SSPN: variants seen among roughly 807,000 people sequenced by gnomAD.
SSPN encodes K-ras oncogene-associated protein.
In SSPN, 15 loss-of-function variants were observed where a neutral mutation model predicts 19.1. The ratio of observed to expected loss-of-function variants is 0.78; its 90% CI spans 0.52 to 1.21. The LOEUF (loss-of-function observed/expected upper bound fraction) is 1.21. Among genes scored for constraint, SSPN ranks in the 50% most tolerant of loss-of-function variants. SSPN has a pLI of 0.00. For missense variants in SSPN, 291 were observed against 314.0 expected (o/e 0.93, Z 0.55); for synonymous variants, 147 against 140.3 (o/e 1.05, Z -0.34).
intron 1 of SSPN, among the ~76,000 whole-genome samples, chr12:26,127,776 T>G (rs1030313118): frequency 6.6e-6 from 1 of 152,200 alleles, no homozygotes; most frequent in Non-Finnish European, 1.5e-5. Flanking sequence ...TGGTGACTCT[T>G]CTTGGTTACC....
Position 26,231,866 on chromosome 12 carries a change from A to T in SSPN, c.*790A>T, listed in dbSNP as rs1945237167. The T allele has an allele frequency of 1.2e-6, 1 of 840,974 alleles. No individual in the cohort carries two copies. 52.1% of individuals were successfully genotyped at this position (840,974 alleles called of 1,614,324 possible). ...AAATCATTAAAACTAATTTCTAGCT[A>T]ATTGTTAATTATAATTATGCTCAGA... is the stretch of plus-strand genomic sequence containing the variant. On this transcript the variant is annotated 3_prime_UTR_variant, in exon 3 of 3. Transcript: ENST00000242729.
In SSPN at chr12:26,233,780, A is replaced by G. The variant is rs1272001943; in HGVS notation, c.*2704A>G. 2.6e-5 allele frequency: 4 copies of G among 152,228 alleles called. No homozygotes were observed. Among genetic ancestry groups the G allele is most frequent in the Non-Finnish European group, 5.9e-5 (4 of 68,064 alleles). 9.4% of individuals were successfully genotyped at this position (152,228 alleles called of 1,614,324 possible). On this transcript the variant is annotated 3_prime_UTR_variant, in exon 3 of 3. Coordinates refer to ENST00000242729, the MANE Select transcript of SSPN (RefSeq NM_005086.5). This position sits in a 1 kb window ranked among gnomAD's most constrained non-coding sequence, Gnocchi z 4.3. ...CACCTCCTTCAGGAGAATTAAATGA[A>G]TCAAGACTTTGGAAAGACGGGGAAG... is the stretch of plus-strand genomic sequence containing the variant.
At chr12:26,140,758 C>T (rs541543404) in intron 1 of SSPN, among the ~76,000 whole-genome samples, 1 of 152,168 alleles carries the variant, frequency 6.6e-6, no homozygotes, top group Non-Finnish European at 1.5e-5. Flanking sequence ...GCCTCCCCAG[C>T]CATGCTGCTT....
rs778273599 is a variant in SSPN at position 26,230,856 on chromosome 12, C to T, written c.512C>T (p.Pro171Leu). 43 of 1,614,190 alleles carry T rather than the reference C, an allele frequency of 2.7e-5. No homozygotes were observed. The East Asian group carries it at 3.8e-4, about 14-fold the overall frequency. ...SCQCKLPSSE[P>L]LSRTFVYRDV... is the part of the protein sequence containing the mutation. ...CAGTGCAAACTGCCCTCCTCGGAGC[C>T]GCTCAGCAGGACCTTTGTTTACCGG... Residue 171 changes from proline (P) to leucine (L), a missense_variant, in exon 3 of 3, where the codon CCG becomes CTG. Transcript: ENST00000242729.
At position 26,160,075 on chromosome 12, in the gene SSPN, A is replaced by G. The variant is rs1444661364; in HGVS notation, c.-31+37923A>G. 2.0e-5 allele frequency among the ~76,000 whole-genome samples: 3 copies of G among 152,200 alleles called. No individual in the cohort carries two copies. The East Asian group carries it at 5.8e-4, about 29-fold the overall frequency. ...CAGCCACTGAGGGCAAGACTGGGAA[A>G]TTTCAGCACAAAGGTCTGGGGAGTG... On this transcript the variant is annotated intron_variant, in intron 1 of 2. Coordinates refer to the SSPN transcript ENST00000538142.
At chr12:26,217,096 T>C (rs1287011625) in intron 1 of SSPN, among the ~76,000 whole-genome samples, 1 of 148,654 alleles carries the variant, frequency 6.7e-6, no homozygotes, top group Non-Finnish European at 1.5e-5. Context: ...AAGTAGTTTT[T>C]TCCAATTCTG....
intron 1 of SSPN, among the ~76,000 whole-genome samples, chr12:26,159,923 T>C (rs538702934): frequency 1.6e-4 from 24 of 152,306 alleles, no homozygotes; most frequent in African/African-American, 5.8e-4. Flanking sequence ...CAGGATCCCT[T>C]GTTAGAGAAG....
chr12:26,193,458 A>G (rs1944801359), upstream of SSPN, among the ~76,000 whole-genome samples: 1 of 152,230 alleles, frequency 6.6e-6, no homozygotes, highest in Admixed American at 6.5e-5. Flanking sequence ...TGTGTTTGTT[A>G]CAGAATACTC....
At chr12:26,194,427 C>A (rs1162130033), upstream of SSPN, among the ~76,000 whole-genome samples, 1 of 152,198 alleles carries the variant, frequency 6.6e-6, no homozygotes, top group Non-Finnish European at 1.5e-5. Context: ...GCTCTGTCGC[C>A]CAGGCTGGAG....
chr12:26,189,591 T>C (rs1182168014), intron 1 of SSPN, among the ~76,000 whole-genome samples: 1 of 152,058 alleles, frequency 6.6e-6, no homozygotes, highest in African/African-American at 2.4e-5. Context: ...TGTCTTCCAT[T>C]AAATAAAAAA....
intron 1 of SSPN, among the ~76,000 whole-genome samples, chr12:26,217,865 G>T (rs1945072541): frequency 6.6e-6 from 1 of 152,138 alleles, no homozygotes. Context: ...TTACACTGTT[G>T]GTGGGACTGT....
At chr12:26,225,929 G>T (rs1945171616) in intron 2 of SSPN, among the ~76,000 whole-genome samples, 1 of 151,216 alleles carries the variant, frequency 6.6e-6, no homozygotes, top group Non-Finnish European at 1.5e-5. Flanking sequence ...GCTTAAGAGA[G>T]ACCCCAATGC....
chr12:26,169,148 T>C (rs1026825705), intron 1 of SSPN, among the ~76,000 whole-genome samples: 1 of 152,172 alleles, frequency 6.6e-6, no homozygotes, highest in Admixed American at 6.5e-5. Flanking sequence ...TTTCTTTATT[T>C]CTTTAGTTTT....
chr12:26,224,345 T>C lies in SSPN; in HGVS notation c.332T>C (p.Val111Ala). 2 of 1,614,066 alleles carry C rather than the reference T, an allele frequency of 1.2e-6. No homozygotes were observed. Among genetic ancestry groups the C allele is most frequent in the Non-Finnish European group, 1.7e-6 (2 of 1,179,920 alleles). Reference protein sequence around the residue: ...GLFMLCVSYQVDERTCIQFSM... With the variant: ...GLFMLCVSYQADERTCIQFSM... Reference sequence around the variant, plus strand: ...TTTATGCTTTGTGTCTCATATCAGGTTGACGAACGGACATGTATTCAATTT... The same window carrying C: ...TTTATGCTTTGTGTCTCATATCAGGCTGACGAACGGACATGTATTCAATTT... The change falls in exon 2 of 3, where the codon GTT becomes GCT. Residue 111 changes from valine (V) to alanine (A), a missense_variant. Val to Ala is a moderately conservative substitution (Grantham distance 64). Coordinates refer to ENST00000242729, the MANE Select transcript of SSPN (RefSeq NM_005086.5).
chr12:26,170,458 A>G (rs972486990), intron 1 of SSPN, among the ~76,000 whole-genome samples: 2 of 152,240 alleles, frequency 1.3e-5, no homozygotes, highest in African/African-American at 4.8e-5. Context: ...AGTAGACTTC[A>G]TAATATAGTG....
chr12:26,187,771 A>G (rs1944762894), intron 1 of SSPN, among the ~76,000 whole-genome samples: 1 of 152,198 alleles, frequency 6.6e-6, no homozygotes, highest in South Asian at 2.1e-4. Context: ...GTGAGTGCAG[A>G]GAGTGGTGGT....
At chr12:26,132,119 G>A (rs548678569) in intron 1 of SSPN, among the ~76,000 whole-genome samples, 4 of 152,264 alleles carry the variant, frequency 2.6e-5, no homozygotes, top group African/African-American at 9.6e-5. Flanking sequence ...CCCCATTCTA[G>A]CTGACTTGGA....
In SSPN at chr12:26,224,334, C is replaced by A; in HGVS notation, c.321C>A (p.Val107=). The A allele has an allele frequency of 6.2e-7, 1 of 1,613,990 alleles. No individual in the cohort carries two copies. Among genetic ancestry groups the A allele is most frequent in the South Asian group, 1.1e-5 (1 of 91,066 alleles). ...VAYLGLFMLC[V]SYQVDERTCI... is the part of the protein sequence containing the mutation. ...ATCTTGGCTTGTTTATGCTTTGTGT[C>A]TCATATCAGGTTGACGAACGGACAT... The change falls in exon 2 of 3, where the codon GTC becomes GTA. Residue 107 remains valine (V), a synonymous_variant. Transcript: ENST00000242729.
At chr12:26,172,754 C>G (rs1252300070) in intron 1 of SSPN, among the ~76,000 whole-genome samples, 1 of 151,848 alleles carries the variant, frequency 6.6e-6, no homozygotes, top group East Asian at 1.9e-4. Context: ...TACATGGAAT[C>G]CACTTTCTCT....
Sources: gnomAD v4.1 joint callset for allele counts (sites outside exome capture counted in the v4.1 genomes callset) on GRCh38, gnomAD v4.1.1 for gene constraint, Gnocchi (gnomAD v3.1) non-coding constraint, MANE v1.5 for transcripts, NCBI Gene and HGNC (gene_info 2026-07-23, HGNC 2026-07-21) for gene names.